The following MAF variants were observed in gnomAD, a reference collection of about 807,000 sequenced individuals.
MAF encodes the protein transcription factor Maf.
Under a neutral mutation model 22.0 loss-of-function variants are expected in MAF, and 10 were observed. The ratio of observed to expected loss-of-function variants is 0.45; its 90% CI spans 0.28 to 0.77. MAF has a LOEUF of 0.77. Ranked by LOEUF, MAF falls within the 30% of genes least tolerant of loss-of-function variation. MAF has a pLI of 0.12. For synonymous variants in MAF, 337 were observed against 255.8 expected, an observed-to-expected ratio of 1.32 and a Z score of -3.03; for missense variants, 544 against 548.4, an observed-to-expected ratio of 0.99 and a Z score of 0.08.
the MAF span, among the ~76,000 whole-genome samples, chr16:79,539,572 G>C: frequency 3.3e-5 from 5 of 152,116 alleles, no homozygotes; most frequent in African/African-American, 1.2e-4. Context: ...AATTTTTCGT[G>C]AACATTTATA....
the MAF span, among the ~76,000 whole-genome samples, chr16:79,477,912 C>CG: frequency 0.021 from 3,198 of 151,610 alleles, 39 homozygotes; most frequent in South Asian, 0.03. Flanking sequence ...TTAGTAGAGA[C>CG]GGGGTTTCAC....
the MAF span, among the ~76,000 whole-genome samples, chr16:79,294,209 A>G: frequency 6.6e-6 from 1 of 152,218 alleles, no homozygotes; most frequent in Non-Finnish European, 1.5e-5. Flanking sequence ...AGAGCTCCTG[A>G]GTCATGCAAT....
the MAF span, among the ~76,000 whole-genome samples, chr16:79,441,563 A>G: frequency 2.0e-5 from 3 of 152,244 alleles, no homozygotes; most frequent in African/African-American, 7.2e-5. Flanking sequence ...TAACATTTTT[A>G]CAGATCAAAA....
chr16:79,271,858 G>A, the MAF span, among the ~76,000 whole-genome samples: 1 of 152,364 alleles, frequency 6.6e-6, no homozygotes, highest in South Asian at 2.1e-4. Context: ...TGAGGAAGAA[G>A]GTGCTGCCTG....
the MAF span, among the ~76,000 whole-genome samples, chr16:79,416,499 C>A: frequency 1.6e-3 from 229 of 139,854 alleles, no homozygotes; most frequent in East Asian, 2.8e-3. Context: ...GGTTAAATTG[C>A]AAAAAAAAAA....
rs1913782042 is a variant in MAF, at chr16:79,598,989, C to T, written c.914G>A (p.Cys305Tyr). Reference sequence around the variant, plus strand: ...TCTCTGCTGCACCCTCTTGAAGCGGCAGGACTGGGCATAGCCGCGGTTTTT... The same window carrying T: ...TCTCTGCTGCACCCTCTTGAAGCGGTAGGACTGGGCATAGCCGCGGTTTTT... ...TLKNRGYAQSCRFKRVQQRHV... is the reference protein window; with the variant it reads ...TLKNRGYAQSYRFKRVQQRHV... Residue 305 changes from cysteine to tyrosine, a missense_variant, in exon 1 of 2, where the codon TGC (cysteine) becomes TAC (tyrosine). Coordinates refer to ENST00000326043, the MANE Select transcript of MAF (RefSeq NM_005360.5). The T allele has an allele frequency of 6.2e-7, 1 of 1,613,780 alleles. No homozygotes were observed. Among genetic ancestry groups the T allele is most frequent in the Non-Finnish European group, 8.5e-7 (1 of 1,179,948 alleles).
At chr16:79,585,270 G>T (rs936347046), downstream of MAF, among the ~76,000 whole-genome samples, 7 of 152,136 alleles carry the variant, frequency 4.6e-5, no homozygotes, top group African/African-American at 1.7e-4. Context: ...TCAGGTTTCT[G>T]CTTCCCACCC....
chr16:79,571,376 C>G, the MAF span, among the ~76,000 whole-genome samples: 11 of 151,962 alleles, frequency 7.2e-5, no homozygotes, highest in African/African-American at 2.4e-4. Context: ...AAAATAAAAC[C>G]GGTATGAAAA....
At chr16:79,328,856 C>T in the MAF span, among the ~76,000 whole-genome samples, 2 of 152,202 alleles carry the variant, frequency 1.3e-5, no homozygotes, top group African/African-American at 4.8e-5. Flanking sequence ...TAAGCTTTGG[C>T]TAGTTTTCTG....
the MAF span, among the ~76,000 whole-genome samples, chr16:79,479,425 G>A: frequency 2.0e-5 from 3 of 152,332 alleles, no homozygotes; most frequent in East Asian, 1.9e-4. Flanking sequence ...ATGTTTGACT[G>A]AGCATCCGTT....
At chr16:79,381,996 T>C in the MAF span, among the ~76,000 whole-genome samples, 1 of 152,216 alleles carries the variant, frequency 6.6e-6, no homozygotes. Flanking sequence ...GTACCATTTA[T>C]CACTTAGACA....
the MAF span, among the ~76,000 whole-genome samples, chr16:79,453,838 C>G: frequency 6.6e-6 from 1 of 152,110 alleles, no homozygotes; most frequent in African/African-American, 2.4e-5. Flanking sequence ...TTCTTAAAGT[C>G]TGGACATCTT....
At chr16:79,240,455 C>G in the MAF span, among the ~76,000 whole-genome samples, 9 of 131,082 alleles carry the variant, frequency 6.9e-5, no homozygotes, top group African/African-American at 2.4e-4. Context: ...ATAAAAAACC[C>G]TTTTGCCTCC....
At chr16:79,565,869 T>C in the MAF span, among the ~76,000 whole-genome samples, 1 of 152,180 alleles carries the variant, frequency 6.6e-6, no homozygotes, top group Non-Finnish European at 1.5e-5. Flanking sequence ...CAGTATTTTC[T>C]CCCACTTGAT....
At chr16:79,496,094 A>T in the MAF span, among the ~76,000 whole-genome samples, 1 of 152,168 alleles carries the variant, frequency 6.6e-6, no homozygotes, top group Non-Finnish European at 1.5e-5. Flanking sequence ...GCTATGCCCA[A>T]CTTCCTGACC....
chr16:79,552,573 T>G, the MAF span, among the ~76,000 whole-genome samples: 1 of 152,228 alleles, frequency 6.6e-6, no homozygotes, highest in African/African-American at 2.4e-5. Flanking sequence ...AGTCTCATTT[T>G]AAGTCTCACT....
chr16:79,224,730 G>C, the MAF span, among the ~76,000 whole-genome samples: 11 of 152,230 alleles, frequency 7.2e-5, no homozygotes, highest in East Asian at 1.9e-3. Context: ...ACAAACAAGA[G>C]AGCAAAATCA....
In MAF at chr16:79,599,949, T is replaced by A; in HGVS notation, c.-47A>T. On this transcript the variant is annotated 5_prime_UTR_variant, in exon 1 of 2. Coordinates refer to ENST00000326043, the MANE Select transcript of MAF (RefSeq NM_005360.5). ...GCCGCCGCCGCTCCGCCAGATGGGCTGCAGGAGAGGGGCCAGCGGGCTGTG... is the reference window on the plus strand; with the variant it reads ...GCCGCCGCCGCTCCGCCAGATGGGCAGCAGGAGAGGGGCCAGCGGGCTGTG... 6.3e-7 allele frequency: 1 copy of A among 1,597,272 alleles called. No individual in the cohort carries two copies. The highest frequency in any genetic ancestry group is 1.7e-5 in the Admixed American group (1 of 59,962).
chr16:79,593,127 A>T (rs1348111863), downstream of MAF, among the ~76,000 whole-genome samples: 1 of 152,200 alleles, frequency 6.6e-6, no homozygotes, highest in African/African-American at 2.4e-5. Context: ...AGAGAGACTT[A>T]TGTGGCAATC....
Sources: gnomAD v4.1 joint callset for allele counts (sites outside exome capture counted in the v4.1 genomes callset) on GRCh38, gnomAD v4.1.1 for gene constraint, MANE v1.5 for transcripts, NCBI Gene and HGNC (gene_info 2026-07-23, HGNC 2026-07-21) for gene names.